Variants in CLSTN2 observed in about 807,000 individuals in gnomAD.
CLSTN2 encodes calsyntenin 2.
In CLSTN2, 48 loss-of-function variants were observed where a neutral mutation model predicts 101.2. The observed-to-expected ratio is 0.47, with a 90% CI of 0.38 to 0.60. The LOEUF is 0.60. Among genes scored for constraint, CLSTN2 ranks in the 20% least tolerant of loss-of-function variants. The pLI is 0.00. For synonymous variants in CLSTN2, 481 were observed against 463.6 expected, an observed-to-expected ratio of 1.04 and a Z score of -0.48; for missense variants, 1,160 against 1,238.2, an observed-to-expected ratio of 0.94 and a Z score of 0.95.
At chr3:140,180,806 G>T (rs2010396635) in intron 2 of CLSTN2, among the ~76,000 whole-genome samples, 1 of 152,192 alleles carries the variant, frequency 6.6e-6, no homozygotes, top group Admixed American at 6.5e-5. Flanking sequence ...ACGTGATTTG[G>T]CCTGGTTTTG....
At chr3:140,560,691 C>T (rs933942503) in intron 12 of CLSTN2, among the ~76,000 whole-genome samples, 1 of 152,150 alleles carries the variant, frequency 6.6e-6, no homozygotes, top group Non-Finnish European at 1.5e-5. Context: ...GAAGATAATA[C>T]CCATGGTGAG....
chr3:140,287,705 G>A (rs1339629139), intron 2 of CLSTN2, among the ~76,000 whole-genome samples: 2 of 152,104 alleles, frequency 1.3e-5, no homozygotes, highest in Admixed American at 6.5e-5. Context: ...TAGTGATGTA[G>A]GTATTGAATT....
At chr3:140,043,785 C>G (rs1242767466) in intron 1 of CLSTN2, among the ~76,000 whole-genome samples, 2 of 152,126 alleles carry the variant, frequency 1.3e-5, no homozygotes. Flanking sequence ...ATAGGGAATC[C>G]TTTCCCCATT....
chr3:140,062,824 G>A (rs1300994913), intron 1 of CLSTN2, among the ~76,000 whole-genome samples: 1 of 152,120 alleles, frequency 6.6e-6, no homozygotes, highest in East Asian at 1.9e-4. Flanking sequence ...CTGAACCAGG[G>A]TTCTTAAACA....
intron 9 of CLSTN2, 40 bp from the exon 10 acceptor site, chr3:140,546,475 C>CCAGT (rs1344933459): frequency 1.2e-6 from 2 of 1,600,114 alleles, no homozygotes; most frequent in Non-Finnish European, 8.5e-7. Flanking sequence ...TGTTTCCTAC[C>CCAGT]CAGTCTTCAC....
chr3:139,994,574 G>A (rs1403822682), intron 1 of CLSTN2, among the ~76,000 whole-genome samples: 3 of 152,146 alleles, frequency 2.0e-5, no homozygotes, highest in African/African-American at 7.2e-5. Context: ...TGCCCTCACT[G>A]AGATCCTGGG....
intron 1 of CLSTN2, among the ~76,000 whole-genome samples, chr3:140,131,776 G>A (rs2009526170): frequency 6.6e-6 from 1 of 152,118 alleles, no homozygotes; most frequent in South Asian, 2.1e-4. Flanking sequence ...ACAGCTTTGT[G>A]CTTTAGGGAG....
At chr3:140,197,818 A>C (rs1041855790) in intron 2 of CLSTN2, among the ~76,000 whole-genome samples, 43 of 152,140 alleles carry the variant, frequency 2.8e-4, no homozygotes, top group African/African-American at 9.2e-4. Context: ...AAGGCAGAAG[A>C]CCTCAGTTTT....
chr3:140,034,262 A>G (rs1226216496), intron 1 of CLSTN2, among the ~76,000 whole-genome samples: 2 of 152,226 alleles, frequency 1.3e-5, no homozygotes, highest in Middle Eastern at 3.2e-3. Context: ...CATGGAAAAG[A>G]GCAAATGATT....
intron 2 of CLSTN2, among the ~76,000 whole-genome samples, chr3:140,271,282 G>T (rs1056032337): frequency 6.6e-6 from 1 of 152,096 alleles, no homozygotes; most frequent in African/African-American, 2.4e-5. Context: ...AAGGGCAAGT[G>T]GCAGATTATT....
Position 140,421,238 on chromosome 3 carries a change from G to A in CLSTN2, c.751G>A (p.Val251Met). Residue 251 changes from valine (V) to methionine (M), a missense_variant, in exon 5 of 17, where the codon GTG (valine) becomes ATG (methionine). Val to Met is a conservative substitution (Grantham distance 21). Transcript: ENST00000458420. ...CGCTGCTCAGGACACCCTGGTGCAG[G>A]TGGATGTGAAGCCAGTTTGCAAGCC... ...KPAAQDTLVQ[V>M]DVKPVCKPGW... 1 of 1,614,190 alleles carries A rather than the reference G, an allele frequency of 6.2e-7. No homozygotes were observed. The highest frequency in any genetic ancestry group is 8.5e-7 in the Non-Finnish European group (1 of 1,180,014).
Position 140,119,472 on chromosome 3 carries a change from C to T in CLSTN2, c.110-56479C>T, listed in dbSNP as rs114281339. Among the ~76,000 whole-genome samples, 1,475 of 152,220 alleles carry T rather than the reference C, an allele frequency of 9.7e-3. 6 individuals are homozygous for T. The highest frequency in any genetic ancestry group is 0.015 in the Non-Finnish European group (1,006 of 67,998). ...TTAGTGTAAGCCGTTAATTATATCA[C>T]AGTTAATTGTTGGAATGTATGGGAG... On this transcript the variant is annotated intron_variant, in intron 1 of 16. Transcript: ENST00000458420.
At chr3:140,313,635 C>T (rs1479873) in intron 2 of CLSTN2, among the ~76,000 whole-genome samples, 85,532 of 152,050 alleles carry the variant, frequency 0.56, 26,493 homozygotes, top group Non-Finnish European at 0.71. Context: ...AGTGAAATGA[C>T]GCAGAGCTTG....
chr3:140,015,170 G>A (rs2007176091), intron 1 of CLSTN2, among the ~76,000 whole-genome samples: 2 of 152,154 alleles, frequency 1.3e-5, no homozygotes, highest in Non-Finnish European at 2.9e-5. Context: ...ACTCTTACAA[G>A]GGACTACTAG....
At chr3:140,174,740 GA>G (rs2010294686) in intron 1 of CLSTN2, among the ~76,000 whole-genome samples, 1 of 152,100 alleles carries the variant, frequency 6.6e-6, no homozygotes. Context: ...CAGTGTGGGG[GA>G]AACCACCCCC....
chr3:140,176,824 TC>T lies in CLSTN2; in HGVS notation c.232+753del, dbSNP rs571673207. 2.6e-5 allele frequency among the ~76,000 whole-genome samples: 4 copies of T among 152,356 alleles called. No individual in the cohort carries two copies. The South Asian group carries it at 8.3e-4, about 32-fold the overall frequency. On this transcript the variant is annotated intron_variant, in intron 2 of 16. Coordinates refer to ENST00000458420, the MANE Select transcript of CLSTN2 (RefSeq NM_022131.3). The stretch of plus-strand genomic sequence containing the variant: ...TAATATTGTTAACATTTTATAACTG[TC>T]CGGAGAAAGACAGGAAATTTAATGA...
At chr3:140,285,493 G>C (rs561277205) in intron 2 of CLSTN2, among the ~76,000 whole-genome samples, 1 of 152,224 alleles carries the variant, frequency 6.6e-6, no homozygotes, top group Admixed American at 6.5e-5. Context: ...GGAGTTCTGG[G>C]GTGCAGCAGA....
chr3:140,089,122 A>G (rs572907737), intron 1 of CLSTN2, among the ~76,000 whole-genome samples: 42 of 152,290 alleles, frequency 2.8e-4, no homozygotes, highest in Admixed American at 7.2e-4. Context: ...GAGGCTGCTC[A>G]TGTAACTGGA....
intron 8 of CLSTN2, among the ~76,000 whole-genome samples, chr3:140,473,781 A>ATTC (rs1205591731): frequency 4.0e-5 from 6 of 151,674 alleles, no homozygotes; most frequent in African/African-American, 1.5e-4. Context: ...TTTTTGAGAC[A>ATTC]GAGTCTTGCT....
Sources: gnomAD v4.1 joint callset for allele counts (sites outside exome capture counted in the v4.1 genomes callset) on GRCh38, gnomAD v4.1.1 for gene constraint, MANE v1.5 for transcripts, NCBI Gene and HGNC (gene_info 2026-07-23, HGNC 2026-07-21) for gene names.